Variants in FAM163A observed in about 807,000 individuals in gnomAD.
FAM163A encodes family with sequence similarity 163 member A, also known as protein FAM163A.
FAM163A carries 7 observed loss-of-function variants against 12.0 expected under a neutral mutation model. The observed-to-expected ratio is 0.58, with a 90% CI of 0.33 to 1.10. The LOEUF (loss-of-function observed/expected upper bound fraction) is 1.10, where lower values mean the gene tolerates loss of function less well. FAM163A is among the 50% of genes least tolerant of loss of function. The pLI is 0.03. For missense variants in FAM163A, 202 were observed against 218.6 expected (o/e 0.92, Z 0.48); for synonymous variants, 101 against 91.0 (o/e 1.11, Z -0.62).
chr1:179,735,993 G>T, the FAM163A span, among the ~76,000 whole-genome samples: 7 of 152,164 alleles, frequency 4.6e-5, no homozygotes, highest in Non-Finnish European at 1.0e-4. Context: ...TAATGAAATT[G>T]AACCCATTAT....
intron 1 of FAM163A, among the ~76,000 whole-genome samples, chr1:179,745,189 C>T (rs1449024042): frequency 6.6e-6 from 1 of 151,030 alleles, no homozygotes; most frequent in Non-Finnish European, 1.5e-5. Context: ...GAGGGTCCTG[C>T]TGGGGCATCA....
chr1:179,739,733 C>T (rs1418173533), upstream of FAM163A, among the ~76,000 whole-genome samples: 4 of 152,040 alleles, frequency 2.6e-5, no homozygotes, highest in African/African-American at 9.7e-5. Context: ...GACCAAAAGA[C>T]GTAAACAGAG....
At chr1:179,807,353 GC>G (rs1462815676) in intron 1 of FAM163A, among the ~76,000 whole-genome samples, 3 of 152,148 alleles carry the variant, frequency 2.0e-5, no homozygotes, top group African/African-American at 7.2e-5. Context: ...GGAAAAATAG[GC>G]CCGGGAAACC....
upstream of FAM163A, among the ~76,000 whole-genome samples, chr1:179,740,679 T>C (rs1040335557): frequency 6.6e-6 from 1 of 152,180 alleles, no homozygotes; most frequent in Non-Finnish European, 1.5e-5. Context: ...TCACAAAATG[T>C]ACCATTTTAC....
intron 1 of FAM163A, among the ~76,000 whole-genome samples, chr1:179,782,081 C>T (rs1333445212): frequency 2.6e-5 from 4 of 152,152 alleles, no homozygotes; most frequent in African/African-American, 7.2e-5. Flanking sequence ...GCGCCTCTAC[C>T]AGGCTGACTC....
At chr1:179,744,479 C>A (rs1684160004) in intron 1 of FAM163A, among the ~76,000 whole-genome samples, 1 of 152,174 alleles carries the variant, frequency 6.6e-6, no homozygotes, top group African/African-American at 2.4e-5. Context: ...GGGTGGCATC[C>A]TGGTTCTCTG....
At chr1:179,753,692 T>C (rs2504048) in intron 1 of FAM163A, among the ~76,000 whole-genome samples, 1 of 151,754 alleles carries the variant, frequency 6.6e-6, no homozygotes, top group Non-Finnish European at 1.5e-5. Context: ...AATGTTACCA[T>C]CTGATGAAAA....
At chr1:179,753,907 C>A (rs1282077585) in intron 1 of FAM163A, among the ~76,000 whole-genome samples, 1 of 152,100 alleles carries the variant, frequency 6.6e-6, no homozygotes, top group Non-Finnish European at 1.5e-5. Flanking sequence ...AACCATGATA[C>A]CTACCCCACA....
intron 1 of FAM163A, among the ~76,000 whole-genome samples, chr1:179,744,210 GC>G (rs1281581359): frequency 1.3e-5 from 2 of 152,188 alleles, no homozygotes; most frequent in Non-Finnish European, 2.9e-5. Context: ...TGCCCGTGGG[GC>G]CGCGGTGTCC....
chr1:179,785,184 C>G (rs568237611), intron 1 of FAM163A, among the ~76,000 whole-genome samples: 23 of 152,326 alleles, frequency 1.5e-4, no homozygotes, highest in Non-Finnish European at 2.9e-4. Flanking sequence ...CATTCCTCAC[C>G]CTGGCAACTG....
chr1:179,732,021 C>G, the FAM163A span, among the ~76,000 whole-genome samples: 1,098 of 152,262 alleles, frequency 7.2e-3, 8 homozygotes, highest in African/African-American at 0.025. Flanking sequence ...AGGTCGCAAC[C>G]ATGTGAATTA....
chr1:179,761,476 T>C (rs992299299), intron 1 of FAM163A, among the ~76,000 whole-genome samples: 1 of 152,176 alleles, frequency 6.6e-6, no homozygotes, highest in Non-Finnish European at 1.5e-5. Context: ...GTCCCGAAGA[T>C]GACAGGAGCC....
chr1:179,772,422 G>A (rs1557924279), intron 1 of FAM163A, among the ~76,000 whole-genome samples: 3 of 152,038 alleles, frequency 2.0e-5, no homozygotes, highest in African/African-American at 7.2e-5. Flanking sequence ...CTCTGCTGCC[G>A]AGTCCATTTA....
At chr1:179,783,002 T>C (rs1690011159) in intron 1 of FAM163A, among the ~76,000 whole-genome samples, 1 of 152,110 alleles carries the variant, frequency 6.6e-6, no homozygotes, top group African/African-American at 2.4e-5. Flanking sequence ...TGGTGGTGCA[T>C]GCCTGTAATC....
chr1:179,768,576 G>A (rs1348561413), intron 1 of FAM163A, among the ~76,000 whole-genome samples: 1 of 152,076 alleles, frequency 6.6e-6, no homozygotes. Context: ...TTTGGCTTTG[G>A]TGTGGTCAAG....
At chr1:179,785,849 A>G (rs1331960877) in intron 1 of FAM163A, among the ~76,000 whole-genome samples, 1 of 152,196 alleles carries the variant, frequency 6.6e-6, no homozygotes, top group Non-Finnish European at 1.5e-5. Context: ...TACATGTGCC[A>G]TAGTGTATTT....
intron 1 of FAM163A, among the ~76,000 whole-genome samples, chr1:179,786,820 G>A (rs1395522584): frequency 1.3e-5 from 2 of 152,096 alleles, no homozygotes; most frequent in Admixed American, 6.5e-5. Context: ...TCAGCCCAAG[G>A]CCTCTGTCCT....
intron 1 of FAM163A, among the ~76,000 whole-genome samples, chr1:179,768,365 G>A (rs1298787897): frequency 6.6e-6 from 1 of 152,068 alleles, no homozygotes; most frequent in Non-Finnish European, 1.5e-5. Context: ...GGCAATAATT[G>A]CTCAAGACCA....
chr1:179,790,196 A>C (rs950117044), intron 1 of FAM163A, among the ~76,000 whole-genome samples: 2 of 149,820 alleles, frequency 1.3e-5, no homozygotes, highest in Non-Finnish European at 3.0e-5. Context: ...AGGAGTGGGA[A>C]GTATTAATAA....
Sources: gnomAD v4.1 joint callset for allele counts (sites outside exome capture counted in the v4.1 genomes callset) on GRCh38, gnomAD v4.1.1 for gene constraint, MANE v1.5 for transcripts, NCBI Gene and HGNC (gene_info 2026-07-23, HGNC 2026-07-21) for gene names.